CARD14: variants seen among roughly 807,000 people sequenced by gnomAD.
CARD14 encodes the protein caspase recruitment domain family member 14.
In CARD14, 107 loss-of-function variants were observed where a neutral mutation model predicts 111.5. That is an observed-to-expected ratio of 0.96 (90% confidence interval 0.82 to 1.13). The LOEUF is 1.13. CARD14 is among the 50% of genes most tolerant of loss of function. The pLI, the probability that CARD14 is intolerant of heterozygous loss-of-function variation, is 0.00. For missense variants in CARD14, 1,322 were observed against 1,362.3 expected (o/e 0.97, Z 0.47); for synonymous variants, 617 against 579.6 (o/e 1.06, Z -0.93).
rs1598710203 is a variant in CARD14, at chr17:80,204,922, T to C, written c.2399-113T>C. On this transcript the variant is annotated intron_variant, in intron 20 of 23. Coordinates refer to ENST00000648509, the MANE Select transcript of CARD14 (RefSeq NM_001366385.1). The stretch of plus-strand genomic sequence containing the variant: ...CGCTGAGCCTGTGCCCCTGGAATTC[T>C]AGGTGCTGGGGCTGCTGCAGTGAGC... 3 of 881,328 alleles carry C rather than the reference T, an allele frequency of 3.4e-6. No homozygotes were observed. The African/African-American group carries it at 5.1e-5, about 15-fold the overall frequency. 54.6% of individuals were successfully genotyped at this position (881,328 alleles called of 1,614,324 possible). A position where few individuals can be genotyped will look rare whatever the true frequency, so the allele number is the denominator to read the frequency against.
chr17:80,182,059 C>T lies in CARD14; in HGVS notation c.211+410C>T, dbSNP rs1441053140. 6.6e-6 allele frequency among the ~76,000 whole-genome samples: 1 copy of T among 152,186 alleles called. No homozygotes were observed. Among genetic ancestry groups the T allele is most frequent in the Non-Finnish European group, 1.5e-5 (1 of 68,038 alleles). On this transcript the variant is annotated intron_variant, in intron 5 of 23. Coordinates refer to ENST00000648509, the MANE Select transcript of CARD14 (RefSeq NM_001366385.1). The surrounding 1 kb of genome is among the most constrained non-coding windows in gnomAD (Gnocchi z 4.7). Reference sequence around the variant, plus strand: ...AAAACACTCACTGCAAAGCTGGGGCCATAGAAAACAGGCAGTAGGTGGTAG... The same window carrying T: ...AAAACACTCACTGCAAAGCTGGGGCTATAGAAAACAGGCAGTAGGTGGTAG...
At position 80,201,631 on chromosome 17, in the gene CARD14, G is replaced by T; in HGVS notation, c.1852-113G>T. ...TTTTGACCAAGGCGTGCAGGCAGTGGTCCTACGGCAGGGCTGGCCCGCGCC... is the reference window on the plus strand; with the variant it reads ...TTTTGACCAAGGCGTGCAGGCAGTGTTCCTACGGCAGGGCTGGCCCGCGCC... On this transcript the variant is annotated intron_variant, in intron 16 of 23. Transcript: ENST00000648509. The surrounding 1 kb of genome is among the most constrained non-coding windows in gnomAD (Gnocchi z 5.0). 1 of 1,103,910 alleles carries T rather than the reference G, an allele frequency of 9.1e-7. No homozygotes were observed. The highest frequency in any genetic ancestry group is 1.4e-6 in the Non-Finnish European group (1 of 726,366). The allele number at this position is 1,103,910 out of a possible 1,614,324, so 68.4% of individuals were successfully genotyped here.
rs904802297 is a variant in CARD14 at position 80,190,979 on chromosome 17, G to A, written c.1089+80G>A. On this transcript the variant is annotated intron_variant, in intron 10 of 23. Transcript: ENST00000648509. Reference sequence around the variant, plus strand: ...GGCTGGTTCCGGGGACAGTCTCGTGGCTCCCTGCCCTTGATGGCAGCTGGT... The same window carrying A: ...GGCTGGTTCCGGGGACAGTCTCGTGACTCCCTGCCCTTGATGGCAGCTGGT... 2.6e-6 allele frequency: 4 copies of A among 1,546,776 alleles called. No individual in the cohort carries two copies. In the African/African-American group the frequency reaches 4.1e-5, roughly 16 times the overall value.
intron 11 of CARD14, among the ~76,000 whole-genome samples, chr17:80,191,968 G>GCC (rs1476242788): frequency 2.0e-5 from 3 of 152,192 alleles, no homozygotes. Flanking sequence ...CCAGCTCCAG[G>GCC]CCCCCGGGGA....
rs182902621 is a variant in CARD14 at position 80,206,020 on chromosome 17, G to C, written c.2691+368G>C. ...TGTGTCTGCACAGGCACGGGAAGCC[G>C]AGTCTGGCATCTGCGTGCCTCCTGT... is the stretch of plus-strand genomic sequence containing the variant. On this transcript the variant is annotated intron_variant, in intron 22 of 23. Transcript: ENST00000648509. The C allele has an allele frequency of 4.9e-5, 9 of 182,656 alleles. No individual in the cohort carries two copies. The East Asian group carries it at 9.7e-4, about 20-fold the overall frequency. The allele number at this position is 182,656 out of a possible 1,614,324, so 11.3% of individuals were successfully genotyped here. A position where few individuals can be genotyped will look rare whatever the true frequency, so the allele number is the denominator to read the frequency against.
At position 80,198,167 on chromosome 17, in the gene CARD14, G is replaced by A. The variant is rs1251749882; in HGVS notation, c.1658+5G>A. The stretch of plus-strand genomic sequence containing the variant: ...AAGGCTTGATGTCTCGGAGAGGTAA[G>A]CAGCAGGTGGGAATCCTCCGAGGCT... On this transcript the variant is annotated splice_donor_5th_base_variant and intron_variant, in intron 15 of 23. Transcript: ENST00000648509. This position sits in a 1 kb window ranked among gnomAD's most constrained non-coding sequence, Gnocchi z 7.5. 12 of 1,613,638 alleles carry A rather than the reference G, an allele frequency of 7.4e-6. No homozygotes were observed. Among genetic ancestry groups the A allele is most frequent in the Non-Finnish European group, 1.0e-5 (12 of 1,179,914 alleles).
intron 22 of CARD14, among the ~76,000 whole-genome samples, chr17:80,206,284 G>A (rs1251411703): frequency 1.4e-5 from 1 of 71,610 alleles, no homozygotes; most frequent in Admixed American, 1.3e-4. Context: ...GAGCAACACA[G>A]TGAGACCCGT....
At chr17:80,181,331 G>A (rs536632771) in intron 4 of CARD14, 88 bp from the exon 5 acceptor site, 37 of 982,078 alleles carry the variant, frequency 3.8e-5, no homozygotes, top group Middle Eastern at 3.0e-4. Flanking sequence ...CTAATTTTAC[G>A]ATGGAGTTGA....
intron 11 of CARD14, 40 bp from the exon 12 acceptor site, chr17:80,192,463 T>G: frequency 6.5e-7 from 1 of 1,544,738 alleles, no homozygotes; most frequent in Non-Finnish European, 8.9e-7. Context: ...AAGCGGAACC[T>G]TTCCCGAATT....
chr17:80,177,162 G>T (rs530834690), intron 2 of CARD14, among the ~76,000 whole-genome samples: 1 of 152,216 alleles, frequency 6.6e-6, no homozygotes, highest in Admixed American at 6.5e-5. Context: ...CTCCAGTCTC[G>T]GCCTCTGCCA....
In CARD14 at chr17:80,184,214, A is replaced by G; in HGVS notation, c.651A>G (p.Ser217=). The change falls in exon 7 of 24, where the codon TCA becomes TCG. Residue 217 remains serine, a synonymous_variant. Transcript: ENST00000648509. ...NALQEKELAA[S]RCRSLQEELY... is the part of the protein sequence containing the mutation. ...TGCAGGAGAAGGAGCTGGCCGCCTC[A>G]CGCTGCCGCAGCCTGCAGGAGGAGG... 1 of 1,541,420 alleles carries G rather than the reference A, an allele frequency of 6.5e-7. No individual in the cohort carries two copies.
chr17:80,202,261 T>C lies in CARD14; in HGVS notation c.2060T>C (p.Met687Thr), dbSNP rs1478816553. 7 of 1,613,982 alleles carry C rather than the reference T, an allele frequency of 4.3e-6. No individual in the cohort carries two copies. The highest frequency in any genetic ancestry group is 1.1e-5 in the South Asian group (1 of 91,072). ...TTCTACATCCGGGTCAACCTGGCCATGGAGGGCAGGGCCAAAGGGGAGCTG... is the reference window on the plus strand; with the variant it reads ...TTCTACATCCGGGTCAACCTGGCCACGGAGGGCAGGGCCAAAGGGGAGCTG... ...DSFYIRVNLA[M>T]EGRAKGELQV... Residue 687 changes from methionine to threonine, a missense_variant, in exon 18 of 24, where the codon ATG becomes ACG. Transcript: ENST00000648509.
intron 16 of CARD14, among the ~76,000 whole-genome samples, chr17:80,199,101 T>G (rs964409025): frequency 2.0e-5 from 3 of 152,278 alleles, no homozygotes. Context: ...ACCACAAGCA[T>G]GCGCTACCGT....
chr17:80,177,983 T>G (rs949080889), intron 2 of CARD14, among the ~76,000 whole-genome samples: 3 of 152,168 alleles, frequency 2.0e-5, no homozygotes, highest in African/African-American at 7.2e-5. Context: ...AGCATTCTTT[T>G]GCGGGGGGCC....
intron 1 of CARD14, among the ~76,000 whole-genome samples, chr17:80,172,460 C>T (rs769689641): frequency 6.6e-6 from 1 of 152,242 alleles, no homozygotes; most frequent in African/African-American, 2.4e-5. Context: ...TCCCGCTTTC[C>T]TTCTTCTAGA....
At position 80,206,296 on chromosome 17, in the gene CARD14, T is replaced by TCTAAAAAAAATTTTTCAA. The variant is rs1555618131; in HGVS notation, c.2691+656_2691+657insTTTCAACTAAAAAAAATT. On this transcript the variant is annotated intron_variant, in intron 22 of 23. Coordinates refer to ENST00000648509, the MANE Select transcript of CARD14 (RefSeq NM_001366385.1). ...CCTGAGCAACACAGTGAGACCCGTC[T>TCTAAAAAAAATTTTTCAA]CTAAAAAAAATTAAAAAATAAAAAG... 4.4e-3 allele frequency among the ~76,000 whole-genome samples: 664 copies of TCTAAAAAAAATTTTTCAA among 151,380 alleles called. 2 individuals are homozygous for TCTAAAAAAAATTTTTCAA. The highest frequency in any genetic ancestry group is 0.015 in the African/African-American group (629 of 41,212).
chr17:80,198,577 A>G lies in CARD14; in HGVS notation c.1837A>G (p.Thr613Ala). 1 of 1,612,190 alleles carries G rather than the reference A, an allele frequency of 6.2e-7. No homozygotes were observed. Among genetic ancestry groups the G allele is most frequent in the African/African-American group, 1.3e-5 (1 of 74,988 alleles). The change falls in exon 16 of 24, where the codon ACC becomes GCC. Residue 613 changes from threonine (T) to alanine (A), a missense_variant. Thr to Ala is a moderately conservative substitution (Grantham distance 58). Coordinates refer to ENST00000648509, the MANE Select transcript of CARD14 (RefSeq NM_001366385.1). This position sits in a 1 kb window ranked among gnomAD's most constrained non-coding sequence, Gnocchi z 7.5. Reference sequence around the variant, plus strand: ...GGACCAGATGGCCTTGCGCCCGGGCACCCAGATTGTGATGGTGAGCCGTGC... The same window carrying G: ...GGACCAGATGGCCTTGCGCCCGGGCGCCCAGATTGTGATGGTGAGCCGTGC... ...AADQMALRPG[T>A]QIVMVDYEAS...
At position 80,199,427 on chromosome 17, in the gene CARD14, A is replaced by G. The variant is rs183122738; in HGVS notation, c.1851+836A>G. Among the ~76,000 whole-genome samples, 3 of 152,080 alleles carry G rather than the reference A, an allele frequency of 2.0e-5. No individual in the cohort carries two copies. The East Asian group carries it at 5.8e-4, about 29-fold the overall frequency. ...AGAATTATTAAACTTTAGGAAAAAA[A>G]AAAACTTCTGGGCACAGTGGTACAT... is the stretch of plus-strand genomic sequence containing the variant. On this transcript the variant is annotated intron_variant, in intron 16 of 23. Coordinates refer to ENST00000648509, the MANE Select transcript of CARD14 (RefSeq NM_001366385.1).
chr17:80,205,314 C>T (rs929167852), intron 21 of CARD14, 109 bp downstream of exon 21: 24 of 1,187,928 alleles, frequency 2.0e-5, no homozygotes, highest in Middle Eastern at 2.1e-4. Flanking sequence ...TCCCCCACCA[C>T]GCACATTCCC....
Sources: allele counts gnomAD v4.1 joint callset (sites outside exome capture counted in the v4.1 genomes callset), GRCh38; gene constraint gnomAD v4.1.1; non-coding constraint Gnocchi (gnomAD v3.1); transcripts MANE v1.5; gene names NCBI Gene and HGNC (gene_info 2026-07-23, HGNC 2026-07-21).